SLC23A1: variants seen among roughly 807,000 people sequenced by gnomAD.
The protein encoded by SLC23A1 is solute carrier family 23 member 1.
In SLC23A1, 31 loss-of-function variants were observed where a neutral mutation model predicts 62.5. That is an observed-to-expected ratio of 0.50 (90% confidence interval 0.37 to 0.67). The LOEUF is 0.67. Among genes scored for constraint, SLC23A1 ranks in the 30% least tolerant of loss-of-function variants. SLC23A1 has a pLI of 0.00. For missense variants in SLC23A1, 640 were observed against 782.7 expected, an observed-to-expected ratio of 0.82 and a Z score of 2.18; for synonymous variants, 271 against 313.2, an observed-to-expected ratio of 0.87 and a Z score of 1.42.
upstream of SLC23A1, chr5:139,383,409 G>A (rs901613011): frequency 1.9e-5 from 27 of 1,436,890 alleles, no homozygotes; most frequent in African/African-American, 5.7e-5. Context: ...CCCGGGCAGA[G>A]GTAATGTATT....
chr5:139,380,114 C>T (rs932097234), intron 6 of SLC23A1, 38 bp from the exon 7 acceptor site: 3 of 1,587,626 alleles, frequency 1.9e-6, no homozygotes, highest in Non-Finnish European at 1.7e-6. Context: ...GGATGGGAGG[C>T]CAGGCTGGGG....
intron 3 of SLC23A1, 121 bp from the exon 4 acceptor site, chr5:139,381,007 G>C (rs552386147): frequency 1.6e-6 from 1 of 611,880 alleles, no homozygotes; most frequent in Admixed American, 2.9e-5. Context: ...AAGGGACAAG[G>C]GCAGATGGAA....
Position 139,378,980 on chromosome 5 carries a change from CT to C in SLC23A1, c.1073+226del, listed in dbSNP as rs1758092805. Among the ~76,000 whole-genome samples, 1 of 152,164 alleles carries C rather than the reference CT, an allele frequency of 6.6e-6. No homozygotes were observed. The highest frequency in any genetic ancestry group is 6.5e-5 in the Admixed American group (1 of 15,272). ...CAGTCAGAGCCGGGCACATGGAGGG[CT>C]GTCAATGACGGTGGTTCCCTTTGGA... is the stretch of plus-strand genomic sequence containing the variant. On this transcript the variant is annotated intron_variant, in intron 9 of 14. Coordinates refer to ENST00000348729, the MANE Select transcript of SLC23A1 (RefSeq NM_005847.5). This position sits in a 1 kb window ranked among gnomAD's most constrained non-coding sequence, Gnocchi z 4.5.
At chr5:139,373,504 T>A (rs973876702) in intron 13 of SLC23A1, among the ~76,000 whole-genome samples, 1 of 152,120 alleles carries the variant, frequency 6.6e-6, no homozygotes, top group African/African-American at 2.4e-5. Context: ...CTAGGAATTC[T>A]CCCTCAGGTG....
intron 14 of SLC23A1, among the ~76,000 whole-genome samples, chr5:139,368,199 G>A (rs1428201690): frequency 2.6e-5 from 4 of 152,226 alleles, no homozygotes; most frequent in Admixed American, 6.5e-5. Context: ...TTAGCTGGGC[G>A]TGGCGGTGGG....
Position 139,379,199 on chromosome 5 carries a change from T to G in SLC23A1, c.1073+8A>C, listed in dbSNP as rs1361878948. On this transcript the variant is annotated splice_region_variant and intron_variant, in intron 9 of 14. Transcript: ENST00000348729. This position sits in a 1 kb window ranked among gnomAD's most constrained non-coding sequence, Gnocchi z 4.7. ...GAGATCAGATACTGAGGAGGGCAGG[T>G]AGGCTACCTGTTGATAGCATGTACT... is the stretch of plus-strand genomic sequence containing the variant. The G allele has an allele frequency of 6.2e-7, 1 of 1,613,822 alleles. No homozygotes were observed. Among genetic ancestry groups the G allele is most frequent in the East Asian group, 2.2e-5 (1 of 44,880 alleles).
chr5:139,368,862 G>T, intron 14 of SLC23A1: 1 of 1,197,940 alleles, frequency 8.3e-7, no homozygotes, highest in Non-Finnish European at 1.2e-6. Context: ...AGTATTAGAA[G>T]ACTTAATTGT....
Position 139,380,496 on chromosome 5 carries a change from C to T in SLC23A1, c.465+69G>A, listed in dbSNP as rs369419826. On this transcript the variant is annotated intron_variant, in intron 5 of 14. Coordinates refer to ENST00000348729, the MANE Select transcript of SLC23A1 (RefSeq NM_005847.5). The stretch of plus-strand genomic sequence containing the variant: ...CACCTCCTCAAATCCCCAAACTCAG[C>T]GGCCACCCTCACTCCCATATAGCCC... 188 of 1,587,982 alleles carry T rather than the reference C, an allele frequency of 1.2e-4. 1 individual carries two copies. Among genetic ancestry groups the T allele is most frequent in the African/African-American group, 9.7e-4 (72 of 74,524 alleles).
rs1318768903 is a variant in SLC23A1, at chr5:139,372,148, A to G, written c.1655T>C (p.Ile552Thr). 21 of 1,613,616 alleles carry G rather than the reference A, an allele frequency of 1.3e-5. No individual in the cohort carries two copies. The highest frequency in any genetic ancestry group is 1.2e-4 in the South Asian group (11 of 91,076). The part of the protein sequence containing the change: ...KSYDFPIGMG[I>T]VKRITFLKYI... ...TTTCAGAAAGGTAATTCTTTTTACT[A>G]TGCCCATCCCAATGGGGAAATCGTA... is the stretch of plus-strand genomic sequence containing the variant. The change falls in exon 14 of 15, where the codon ATA becomes ACA. Residue 552 changes from isoleucine to threonine, a missense_variant. Transcript: ENST00000348729.
intron 1 of SLC23A1, among the ~76,000 whole-genome samples, 182 bp from the exon 2 acceptor site, chr5:139,382,787 T>C (rs11242461): frequency 1 from 152,166 of 152,340 alleles, 75,996 homozygotes; most frequent in Middle Eastern, 1. Context: ...TCTCCCACTT[T>C]GCATTGCTTC....
rs1241863898 is a variant in SLC23A1 at position 139,380,646 on chromosome 5, C to T, written c.398-14G>A. ...CGTAGATCTCCTCTGGGGGTAGAGT[C>T]AGGGATACACACACGGACCAGGTAC... On this transcript the variant is annotated splice_polypyrimidine_tract_variant and intron_variant, in intron 4 of 14. Coordinates refer to ENST00000348729, the MANE Select transcript of SLC23A1 (RefSeq NM_005847.5). 2.5e-6 allele frequency: 4 copies of T among 1,596,068 alleles called. No individual in the cohort carries two copies. In the Admixed American group the frequency reaches 6.7e-5, roughly 27 times the overall value.
chr5:139,376,336 A>AT (rs1333973678), intron 13 of SLC23A1, among the ~76,000 whole-genome samples: 1 of 151,426 alleles, frequency 6.6e-6, no homozygotes, highest in Non-Finnish European at 1.5e-5. Flanking sequence ...CACCCAGCTA[A>AT]TTTTTGCATT....
rs1359854000 is a variant in SLC23A1, at chr5:139,382,060, G to A, written c.151-11C>T. 1.6e-5 allele frequency: 26 copies of A among 1,604,398 alleles called. No individual in the cohort carries two copies. The highest frequency in any genetic ancestry group is 1.7e-4 in the Middle Eastern group (1 of 5,952). ...GCATGTCAGGTAGTGCTGGGCAGAGGGAGACAGCAGAGTGCATGAGGCAGG... is the reference window on the plus strand; with the variant it reads ...GCATGTCAGGTAGTGCTGGGCAGAGAGAGACAGCAGAGTGCATGAGGCAGG... On this transcript the variant is annotated splice_polypyrimidine_tract_variant and intron_variant, in intron 2 of 14. Transcript: ENST00000348729.
chr5:139,382,439 G>A, intron 2 of SLC23A1, 53 bp downstream of exon 2: 2 of 1,034,606 alleles, frequency 1.9e-6, no homozygotes, highest in South Asian at 2.6e-5. Flanking sequence ...GGGAGGGGCT[G>A]GAGTCCCCGG....
In SLC23A1 at chr5:139,378,361, A is replaced by T; in HGVS notation, c.1180-10T>A. 1 of 1,556,008 alleles carries T rather than the reference A, an allele frequency of 6.4e-7. No homozygotes were observed. Among genetic ancestry groups the T allele is most frequent in the Non-Finnish European group, 8.7e-7 (1 of 1,150,518 alleles). ...CGCGCCGGCTGCCCACCTGCCGGGGAGCCAGCGGGGAAGCTAGACCTGGGG... is the reference window on the plus strand; with the variant it reads ...CGCGCCGGCTGCCCACCTGCCGGGGTGCCAGCGGGGAAGCTAGACCTGGGG... On this transcript the variant is annotated splice_polypyrimidine_tract_variant and intron_variant, in intron 10 of 14. Transcript: ENST00000348729. The surrounding 1 kb of genome is among the most constrained non-coding windows in gnomAD (Gnocchi z 4.5).
At chr5:139,383,190 CCT>C in intron 1 of SLC23A1, 26 bp downstream of exon 1, 3 of 425,898 alleles carry the variant, frequency 7.0e-6, no homozygotes, top group Non-Finnish European at 1.0e-5. Flanking sequence ...CCCTGCCCCC[CCT>C]AGCCCCCACC....
At chr5:139,374,572 A>T (rs1418249489) in intron 13 of SLC23A1, among the ~76,000 whole-genome samples, 1 of 152,216 alleles carries the variant, frequency 6.6e-6, no homozygotes. Flanking sequence ...CCTTAGTTTG[A>T]ATCCAGGTTG....
chr5:139,370,234 G>A (rs937047687), intron 14 of SLC23A1, among the ~76,000 whole-genome samples: 16 of 152,046 alleles, frequency 1.1e-4, no homozygotes, highest in Non-Finnish European at 5.9e-5. Context: ...ACAGTGGCAC[G>A]ATCTCAGCTC....
At chr5:139,374,672 G>C (rs1363311317) in intron 13 of SLC23A1, among the ~76,000 whole-genome samples, 1 of 152,186 alleles carries the variant, frequency 6.6e-6, no homozygotes, top group Non-Finnish European at 1.5e-5. Context: ...TGACACACAG[G>C]ATGATTCCTG....
Sources: gnomAD v4.1 joint callset for allele counts (sites outside exome capture counted in the v4.1 genomes callset) on GRCh38, gnomAD v4.1.1 for gene constraint, Gnocchi (gnomAD v3.1) non-coding constraint, MANE v1.5 for transcripts, NCBI Gene and HGNC (gene_info 2026-07-23, HGNC 2026-07-21) for gene names.